TUBA1A: variants seen among roughly 807,000 people sequenced by gnomAD.
TUBA1A encodes the protein tubulin alpha 1a, also known as tubulin alpha-1A chain.
Under a neutral mutation model 34.6 loss-of-function variants are expected in TUBA1A, and 7 were observed. The observed-to-expected ratio is 0.20, with a 90% CI of 0.11 to 0.38. The LOEUF (loss-of-function observed/expected upper bound fraction) is 0.38. Among genes scored for constraint, TUBA1A ranks in the 10% least tolerant of loss-of-function variants. TUBA1A has a pLI of 1.00. For missense variants in TUBA1A, 19 were observed against 581.3 expected, an observed-to-expected ratio of 0.03 and a Z score of 9.95; for synonymous variants, 193 against 210.2, an observed-to-expected ratio of 0.92 and a Z score of 0.71.
rs560491477 is a variant in TUBA1A, at chr12:49,186,840, G to A, written c.4-7C>T. On this transcript the variant is annotated splice_region_variant and splice_polypyrimidine_tract_variant and intron_variant, in intron 1 of 3. Coordinates refer to ENST00000301071, the MANE Select transcript of TUBA1A (RefSeq NM_006009.4). This position sits in a 1 kb window ranked among gnomAD's most constrained non-coding sequence, Gnocchi z 6.6. ...GGATGGAGATGCACTCACGCTGTGG[G>A]GAGGAAAAGTGAAAAAATCGTAAAA... 158 of 1,614,124 alleles carry A rather than the reference G, an allele frequency of 9.8e-5. 1 individual carries two copies. The African/African-American group carries it at 1.9e-3, about 20-fold the overall frequency.
rs1029807477 is a variant in TUBA1A, at chr12:49,186,957, C to G, written c.4-124G>C. 2.7e-6 allele frequency: 4 copies of G among 1,506,222 alleles called. No homozygotes were observed. Among genetic ancestry groups the G allele is most frequent in the East Asian group, 2.6e-5 (1 of 38,650 alleles). 93.3% of individuals were successfully genotyped at this position (1,506,222 alleles called of 1,614,324 possible). A position where few individuals can be genotyped will look rare whatever the true frequency, so the allele number is the denominator to read the frequency against. On this transcript the variant is annotated intron_variant, in intron 1 of 3. Transcript: ENST00000301071. The surrounding 1 kb of genome is among the most constrained non-coding windows in gnomAD (Gnocchi z 6.6). ...TTTTCTAAATTATTTGAGGTCATAT[C>G]CCCAGCACGATACAAAGATTAAGGA... is the stretch of plus-strand genomic sequence containing the variant.
rs1181569355 is a variant in TUBA1A at position 49,187,605 on chromosome 12, T to TA, written c.4-773_4-772insT. The TA allele has an allele frequency of 1.0e-5, 10 of 983,732 alleles. No homozygotes were observed. In the African/African-American group the frequency reaches 1.8e-4, roughly 17 times the overall value. The allele number at this position is 983,732 out of a possible 1,614,324, so 60.9% of individuals were successfully genotyped here. A position where few individuals can be genotyped will look rare whatever the true frequency, so the allele number is the denominator to read the frequency against. On this transcript the variant is annotated intron_variant, in intron 1 of 3. Coordinates refer to ENST00000301071, the MANE Select transcript of TUBA1A (RefSeq NM_006009.4). Reference sequence around the variant, plus strand: ...TGTAGCAATTTCATTACTTTTTTTTTTAAAAAAAAAGGTTTTTCCAGATCT... The same window carrying TA: ...TGTAGCAATTTCATTACTTTTTTTTTATAAAAAAAAAGGTTTTTCCAGATCT...
rs1450338862 is a variant in TUBA1A, at chr12:49,187,608, A to ATTT, written c.4-776_4-775insAAA. ...AGCAATTTCATTACTTTTTTTTTTA[A>ATTT]AAAAAAAGGTTTTTCCAGATCTTCT... On this transcript the variant is annotated intron_variant, in intron 1 of 3. Transcript: ENST00000301071. 72 of 833,488 alleles carry ATTT rather than the reference A, an allele frequency of 8.6e-5. 1 individual carries two copies. In the East Asian group the frequency reaches 6.1e-3, roughly 70 times the overall value. The allele number at this position is 833,488 out of a possible 1,614,324, so 51.6% of individuals were successfully genotyped here. A position where few individuals can be genotyped will look rare whatever the true frequency, so the allele number is the denominator to read the frequency against.
In TUBA1A at chr12:49,186,968, T is replaced by G. The variant is rs1177366700; in HGVS notation, c.4-135A>C. ...ATTTGAGGTCATATCCCCAGCACGA[T>G]ACAAAGATTAAGGAAAATCACCTGC... On this transcript the variant is annotated intron_variant, in intron 1 of 3. Coordinates refer to ENST00000301071, the MANE Select transcript of TUBA1A (RefSeq NM_006009.4). This position sits in a 1 kb window ranked among gnomAD's most constrained non-coding sequence, Gnocchi z 6.6. 12 of 1,492,866 alleles carry G rather than the reference T, an allele frequency of 8.0e-6. No homozygotes were observed. Among genetic ancestry groups the G allele is most frequent in the Non-Finnish European group, 2.7e-6 (3 of 1,128,600 alleles). The allele number at this position is 1,492,866 out of a possible 1,614,324, so 92.5% of individuals were successfully genotyped here. A position where few individuals can be genotyped will look rare whatever the true frequency, so the allele number is the denominator to read the frequency against.
rs532087034 is a variant in TUBA1A at position 49,188,660 on chromosome 12, G to A, written c.3+317C>T. 5.0e-3 allele frequency: 7,143 copies of A among 1,433,848 alleles called. 25 individuals are homozygous for A. The highest frequency in any genetic ancestry group is 6.1e-3 in the Non-Finnish European group (6,684 of 1,099,964). The allele number at this position is 1,433,848 out of a possible 1,614,324, so 88.8% of individuals were successfully genotyped here. A position where few individuals can be genotyped will look rare whatever the true frequency, so the allele number is the denominator to read the frequency against. ...CACAGACACGGGGCCCAGCCGGGAC[G>A]CCCCAGACCCCTCGGTCGCGGCAGA... On this transcript the variant is annotated intron_variant, in intron 1 of 3. Coordinates refer to ENST00000301071, the MANE Select transcript of TUBA1A (RefSeq NM_006009.4). The surrounding 1 kb of genome is among the most constrained non-coding windows in gnomAD (Gnocchi z 4.9).
Position 49,186,950 on chromosome 12 carries a change from G to T in TUBA1A, c.4-117C>A. On this transcript the variant is annotated intron_variant, in intron 1 of 3. Transcript: ENST00000301071. This position sits in a 1 kb window ranked among gnomAD's most constrained non-coding sequence, Gnocchi z 6.6. The stretch of plus-strand genomic sequence containing the variant: ...CAGATATTTTTCTAAATTATTTGAG[G>T]TCATATCCCCAGCACGATACAAAGA... 1 of 1,522,730 alleles carries T rather than the reference G, an allele frequency of 6.6e-7. No homozygotes were observed. 94.3% of individuals were successfully genotyped at this position (1,522,730 alleles called of 1,614,324 possible).
Position 49,188,003 on chromosome 12 carries a change from G to C in TUBA1A, c.3+974C>G. 1 of 979,284 alleles carries C rather than the reference G, an allele frequency of 1.0e-6. No homozygotes were observed. Among genetic ancestry groups the C allele is most frequent in the Non-Finnish European group, 1.2e-6 (1 of 829,334 alleles). 60.7% of individuals were successfully genotyped at this position (979,284 alleles called of 1,614,324 possible). ...GTGGGCTTTCTCCCTCGCTGAACGT[G>C]CAGTCCAGACAGACAGACAGACACA... On this transcript the variant is annotated intron_variant, in intron 1 of 3. Transcript: ENST00000301071. This position sits in a 1 kb window ranked among gnomAD's most constrained non-coding sequence, Gnocchi z 4.9.
At position 49,186,140 on chromosome 12, in the gene TUBA1A, A is replaced by G; in HGVS notation, c.376-150T>C. The G allele has an allele frequency of 1.3e-6, 2 of 1,526,566 alleles. No individual in the cohort carries two copies. The highest frequency in any genetic ancestry group is 1.8e-6 in the Non-Finnish European group (2 of 1,132,336). The allele number at this position is 1,526,566 out of a possible 1,614,324, so 94.6% of individuals were successfully genotyped here. On this transcript the variant is annotated intron_variant, in intron 3 of 3. Coordinates refer to ENST00000301071, the MANE Select transcript of TUBA1A (RefSeq NM_006009.4). This position sits in a 1 kb window ranked among gnomAD's most constrained non-coding sequence, Gnocchi z 6.6. ...TTAAAAAATTCTCATTAACATTTAC[A>G]AAATGACATCAAATAGTTCATTTTA... is the stretch of plus-strand genomic sequence containing the variant.
At position 49,188,376 on chromosome 12, in the gene TUBA1A, C is replaced by T; in HGVS notation, c.3+601G>A. On this transcript the variant is annotated intron_variant, in intron 1 of 3. Coordinates refer to ENST00000301071, the MANE Select transcript of TUBA1A (RefSeq NM_006009.4). This position sits in a 1 kb window ranked among gnomAD's most constrained non-coding sequence, Gnocchi z 4.9. ...GAAACAAACAACCCCGCCCCTGCGCCGCCCTGACACCCGCTGCCGGGGGCT... is the reference window on the plus strand; with the variant it reads ...GAAACAAACAACCCCGCCCCTGCGCTGCCCTGACACCCGCTGCCGGGGGCT... The T allele has an allele frequency of 6.5e-7, 1 of 1,535,716 alleles. No homozygotes were observed. The highest frequency in any genetic ancestry group is 1.2e-5 in the South Asian group (1 of 84,036).
chr12:49,186,296 G>A lies in TUBA1A; in HGVS notation c.375+14C>T. 6.2e-7 allele frequency: 1 copy of A among 1,612,732 alleles called. No individual in the cohort carries two copies. The highest frequency in any genetic ancestry group is 8.5e-7 in the Non-Finnish European group (1 of 1,180,008). ...AGGCTCATTAATTTACTTTATTCTTGAAAAGAAACATACCAGCTTGCGAAT... is the reference window on the plus strand; with the variant it reads ...AGGCTCATTAATTTACTTTATTCTTAAAAAGAAACATACCAGCTTGCGAAT... On this transcript the variant is annotated intron_variant, in intron 3 of 3. Transcript: ENST00000301071. The surrounding 1 kb of genome is among the most constrained non-coding windows in gnomAD (Gnocchi z 6.6).
In TUBA1A at chr12:49,186,977, T is replaced by C. The variant is rs1195665170; in HGVS notation, c.4-144A>G. 16 of 1,499,850 alleles carry C rather than the reference T, an allele frequency of 1.1e-5. No individual in the cohort carries two copies. The highest frequency in any genetic ancestry group is 1.4e-5 in the Non-Finnish European group (16 of 1,131,276). The allele number at this position is 1,499,850 out of a possible 1,614,324, so 92.9% of individuals were successfully genotyped here. On this transcript the variant is annotated intron_variant, in intron 1 of 3. Transcript: ENST00000301071. This position sits in a 1 kb window ranked among gnomAD's most constrained non-coding sequence, Gnocchi z 6.6. ...CATATCCCCAGCACGATACAAAGAT[T>C]AAGGAAAATCACCTGCTACAAATGC...
Position 49,186,203 on chromosome 12 carries a change from A to G in TUBA1A, c.375+107T>C. ...AAACCCCAAAAGAATGACTCATTCC[A>G]CTCTTTATTAAAATAACAGTTCAAT... On this transcript the variant is annotated intron_variant, in intron 3 of 3. Coordinates refer to ENST00000301071, the MANE Select transcript of TUBA1A (RefSeq NM_006009.4). The surrounding 1 kb of genome is among the most constrained non-coding windows in gnomAD (Gnocchi z 6.6). 4 of 1,606,788 alleles carry G rather than the reference A, an allele frequency of 2.5e-6. No individual in the cohort carries two copies. Among genetic ancestry groups the G allele is most frequent in the Non-Finnish European group, 3.4e-6 (4 of 1,176,160 alleles).
In TUBA1A at chr12:49,187,713, T is replaced by A. The variant is rs1006574690; in HGVS notation, c.4-880A>T. 11 of 951,036 alleles carry A rather than the reference T, an allele frequency of 1.2e-5. No individual in the cohort carries two copies. In the African/African-American group the frequency reaches 1.7e-4, roughly 15 times the overall value. 58.9% of individuals were successfully genotyped at this position (951,036 alleles called of 1,614,324 possible). ...TCCTAAGTTAGAAACAAGCATCACA[T>A]GAAAAGGTACCAAAGAATAAAAGCC... On this transcript the variant is annotated intron_variant, in intron 1 of 3. Transcript: ENST00000301071.
At position 49,186,143 on chromosome 12, in the gene TUBA1A, A is replaced by G. The variant is rs1234532148; in HGVS notation, c.376-153T>C. ...AAAAATTCTCATTAACATTTACAAA[A>G]TGACATCAAATAGTTCATTTTAACT... On this transcript the variant is annotated intron_variant, in intron 3 of 3. Coordinates refer to ENST00000301071, the MANE Select transcript of TUBA1A (RefSeq NM_006009.4). The surrounding 1 kb of genome is among the most constrained non-coding windows in gnomAD (Gnocchi z 6.6). 3.3e-6 allele frequency: 5 copies of G among 1,525,418 alleles called. No homozygotes were observed. Among genetic ancestry groups the G allele is most frequent in the African/African-American group, 1.4e-5 (1 of 71,486 alleles). 94.5% of individuals were successfully genotyped at this position (1,525,418 alleles called of 1,614,324 possible). A position where few individuals can be genotyped will look rare whatever the true frequency, so the allele number is the denominator to read the frequency against.
Position 49,185,787 on chromosome 12 carries a change from G to A in TUBA1A, c.579C>T (p.Thr193=), listed in dbSNP as rs140239444. The change falls in exon 4 of 4, where the codon ACC becomes ACT. Residue 193 remains threonine (T), a synonymous_variant. Coordinates refer to ENST00000301071, the MANE Select transcript of TUBA1A (RefSeq NM_006009.4). The part of the protein sequence containing the change: ...EPYNSILTTH[T]TLEHSDCAFM... ...AGGCACAATCAGAGTGCTCCAGGGTGGTGTGGGTGGTGAGGATGGAGTTGT... is the reference window on the plus strand; with the variant it reads ...AGGCACAATCAGAGTGCTCCAGGGTAGTGTGGGTGGTGAGGATGGAGTTGT... 5 of 1,613,916 alleles carry A rather than the reference G, an allele frequency of 3.1e-6. No individual in the cohort carries two copies. The African/African-American group carries it at 6.7e-5, about 22-fold the overall frequency.
intron 1 of TUBA1A, chr12:49,187,220 T>G (rs1565627949): frequency 2.6e-6 from 3 of 1,135,000 alleles, no homozygotes; most frequent in Non-Finnish European, 3.3e-6. Flanking sequence ...AAGATGAAAG[T>G]TTCCTCTGAA....
At chr12:49,187,923 C>A (rs1173957515) in intron 1 of TUBA1A, 1 of 143,442 alleles carries the variant, frequency 7.0e-6, no homozygotes, top group African/African-American at 1.0e-4. Flanking sequence ...GGGGGGGCGG[C>A]GGGGAAGGGC....
chr12:49,186,852 A>G lies in TUBA1A; in HGVS notation c.4-19T>C, dbSNP rs1436944453. On this transcript the variant is annotated intron_variant, in intron 1 of 3. Coordinates refer to ENST00000301071, the MANE Select transcript of TUBA1A (RefSeq NM_006009.4). The surrounding 1 kb of genome is among the most constrained non-coding windows in gnomAD (Gnocchi z 6.6). The stretch of plus-strand genomic sequence containing the variant: ...ACTCACGCTGTGGGGAGGAAAAGTG[A>G]AAAAATCGTAAAATTAAGGTGTATT... 1.9e-6 allele frequency: 3 copies of G among 1,613,990 alleles called. No homozygotes were observed. Among genetic ancestry groups the G allele is most frequent in the African/African-American group, 1.3e-5 (1 of 74,926 alleles).
chr12:49,187,199 C>T, intron 1 of TUBA1A: 2 of 1,144,030 alleles, frequency 1.7e-6, no homozygotes, highest in Non-Finnish European at 2.2e-6. Context: ...TGCTTTCTTC[C>T]CTTTTAAATA....
Sources: allele counts gnomAD v4.1 joint callset, GRCh38; gene constraint gnomAD v4.1.1; non-coding constraint Gnocchi (gnomAD v3.1); transcripts MANE v1.5; gene names NCBI Gene and HGNC (gene_info 2026-07-23, HGNC 2026-07-21).